Variants in ABLIM1 observed in about 807,000 individuals in gnomAD.
ABLIM1 encodes actin binding LIM protein 1, also known as actin-binding LIM protein 1.
Under a neutral mutation model 107.0 loss-of-function variants are expected in ABLIM1, and 40 were observed. That is an observed-to-expected ratio of 0.37 (90% CI 0.29 to 0.49). ABLIM1 has a LOEUF of 0.49. ABLIM1 is among the 20% of genes least tolerant of loss of function. ABLIM1 has a pLI of 0.97. For synonymous variants in ABLIM1, 357 were observed against 357.3 expected, an observed-to-expected ratio of 1.00 and a Z score of 0.01; for missense variants, 857 against 1,008.5, an observed-to-expected ratio of 0.85 and a Z score of 2.04.
At chr10:114,445,181 G>C in intron 16 of ABLIM1, 131 bp downstream of exon 16, 1 of 774,204 alleles carries the variant, frequency 1.3e-6, no homozygotes, top group South Asian at 1.6e-5. Context: ...TTGCCTGCCA[G>C]ATTTCAAGCC....
rs534255361 is a variant in ABLIM1 at position 114,723,378 on chromosome 10, T to C, written c.-213+44683A>G. Among the ~76,000 whole-genome samples the C allele has an allele frequency of 2.0e-3, 301 of 152,236 alleles. 1 individual carries two copies. Among genetic ancestry groups the C allele is most frequent in the Middle Eastern group, 3.4e-3 (1 of 294 alleles). On this transcript the variant is annotated intron_variant, in intron 1 of 15. Coordinates refer to the ABLIM1 transcript ENST00000651092. ...GTAACCTGGCCAAAGTCTGGGTTCTTTGGAAATGGAATAAAGGGGCAGGGA... is the reference window on the plus strand; with the variant it reads ...GTAACCTGGCCAAAGTCTGGGTTCTCTGGAAATGGAATAAAGGGGCAGGGA...
chr10:114,467,243 G>T (rs2065368817), intron 11 of ABLIM1, among the ~76,000 whole-genome samples: 1 of 152,110 alleles, frequency 6.6e-6, no homozygotes, highest in Admixed American at 6.5e-5. Flanking sequence ...TCTAGAAAAG[G>T]ATATATTAGG....
At chr10:114,766,918 AC>A (rs2082908883) in intron 1 of ABLIM1, among the ~76,000 whole-genome samples, 1 of 152,118 alleles carries the variant, frequency 6.6e-6, no homozygotes, top group Non-Finnish European at 1.5e-5. Flanking sequence ...GCCCTATGTC[AC>A]CTCTGCATCC....
rs187284423 is a variant in ABLIM1, at chr10:114,599,367, A to C, written c.379+2460T>G. Among the ~76,000 whole-genome samples the C allele has an allele frequency of 2.2e-4, 33 of 152,352 alleles. No individual in the cohort carries two copies. The East Asian group carries it at 6.4e-3, about 29-fold the overall frequency. ...AAACTAAAAGAGAAAAAAAGCAAGGAGCTTTCACCCCACAGGGGATAAATG... is the reference window on the plus strand; with the variant it reads ...AAACTAAAAGAGAAAAAAAGCAAGGCGCTTTCACCCCACAGGGGATAAATG... On this transcript the variant is annotated intron_variant, in intron 2 of 22. Coordinates refer to ENST00000533213, the MANE Select transcript of ABLIM1 (RefSeq NM_002313.7).
At chr10:114,708,470 T>A (rs1382635775) in intron 1 of ABLIM1, among the ~76,000 whole-genome samples, 1 of 151,884 alleles carries the variant, frequency 6.6e-6, no homozygotes, top group Admixed American at 6.6e-5. Flanking sequence ...ACCCCAAAAC[T>A]ACATGGGGAT....
At chr10:114,508,846 A>G (rs545513420) in intron 6 of ABLIM1, among the ~76,000 whole-genome samples, 1 of 152,344 alleles carries the variant, frequency 6.6e-6, no homozygotes, top group African/African-American at 2.4e-5. Context: ...TTTGTCCCTG[A>G]GCCCTAAACT....
chr10:114,434,969 T>TC lies in ABLIM1; in HGVS notation c.*1290_*1291insG, dbSNP rs2059230345. ...GCAGTTTAGCCTCACTCTTGATCTT[T>TC]GAGTCACACACACTCGGTGACAATG... On this transcript the variant is annotated 3_prime_UTR_variant, in exon 23 of 23. Transcript: ENST00000533213. The TC allele has an allele frequency of 6.6e-6, 1 of 152,158 alleles. No homozygotes were observed. Among genetic ancestry groups the TC allele is most frequent in the Non-Finnish European group, 1.5e-5 (1 of 68,042 alleles). The allele number at this position is 152,158 out of a possible 1,614,324, so 9.4% of individuals were successfully genotyped here. A position where few individuals can be genotyped will look rare whatever the true frequency, so the allele number is the denominator to read the frequency against.
rs537161965 is a variant in ABLIM1 at position 114,723,224 on chromosome 10, G to A, written c.-213+44837C>T. ...CAAAGCACAGGAGTACCCAGGAGAGGCCGACTTAGGTGAGGACCAGAATCT... is the reference window on the plus strand; with the variant it reads ...CAAAGCACAGGAGTACCCAGGAGAGACCGACTTAGGTGAGGACCAGAATCT... On this transcript the variant is annotated intron_variant, in intron 1 of 15. Transcript: ENST00000651092. 9.1e-4 allele frequency among the ~76,000 whole-genome samples: 139 copies of A among 152,290 alleles called. 1 individual carries two copies. The highest frequency in any genetic ancestry group is 3.1e-3 in the African/African-American group (127 of 41,568).
chr10:114,776,184 T>C, the ABLIM1 span: 1 of 151,836 alleles, frequency 6.6e-6, no homozygotes, highest in Non-Finnish European at 1.5e-5. Flanking sequence ...ATTAGCGACA[T>C]CTTTTTCTTT....
chr10:114,713,363 T>C (rs980987493), intron 1 of ABLIM1, among the ~76,000 whole-genome samples: 1 of 152,180 alleles, frequency 6.6e-6, no homozygotes, highest in Non-Finnish European at 1.5e-5. Flanking sequence ...GCTATGTCCC[T>C]AAGAGACAGT....
the ABLIM1 span, chr10:114,778,649 CT>C: frequency 1.3e-5 from 2 of 151,696 alleles, no homozygotes; most frequent in Non-Finnish European, 2.9e-5. Flanking sequence ...TGTAGTTCCC[CT>C]AAATGAATCA....
intron 2 of ABLIM1, among the ~76,000 whole-genome samples, chr10:114,586,927 C>T (rs1311517609): frequency 6.6e-6 from 1 of 152,098 alleles, no homozygotes; most frequent in Non-Finnish European, 1.5e-5. Context: ...ACAATTTTTC[C>T]TAAAAAAATG....
At chr10:114,446,182 A>G (rs926765760) in intron 15 of ABLIM1, among the ~76,000 whole-genome samples, 1 of 152,224 alleles carries the variant, frequency 6.6e-6, no homozygotes, top group African/African-American at 2.4e-5. Flanking sequence ...CTTTTTCTGA[A>G]TATTTAGAAT....
At chr10:114,616,457 A>G (rs2077137547) in intron 1 of ABLIM1, among the ~76,000 whole-genome samples, 1 of 152,210 alleles carries the variant, frequency 6.6e-6, no homozygotes, top group South Asian at 2.1e-4. Flanking sequence ...TTGCTTGCCC[A>G]AAGGATCTGG....
At chr10:114,766,577 T>C (rs770576456) in intron 1 of ABLIM1, among the ~76,000 whole-genome samples, 4 of 152,092 alleles carry the variant, frequency 2.6e-5, no homozygotes, top group Non-Finnish European at 5.9e-5. Context: ...TGATGCTTCC[T>C]AGGGCATACC....
At chr10:114,536,808 G>C (rs1406533022) in intron 6 of ABLIM1, among the ~76,000 whole-genome samples, 2 of 152,142 alleles carry the variant, frequency 1.3e-5, no homozygotes, top group Non-Finnish European at 2.9e-5. Context: ...TCCGAGACCA[G>C]AGCTTCATGA....
chr10:114,648,220 A>G (rs2079087436), intron 1 of ABLIM1, among the ~76,000 whole-genome samples: 1 of 152,228 alleles, frequency 6.6e-6, no homozygotes, highest in Non-Finnish European at 1.5e-5. Context: ...ACACAAAAAC[A>G]TGTAACAAGT....
intron 1 of ABLIM1, among the ~76,000 whole-genome samples, chr10:114,673,381 T>C (rs1229331587): frequency 2.6e-5 from 4 of 152,182 alleles, no homozygotes; most frequent in Non-Finnish European, 5.9e-5. Context: ...TGTATAGCAA[T>C]GAGCAATGCT....
chr10:114,787,642 G>T, the ABLIM1 span, among the ~76,000 whole-genome samples: 3 of 142,038 alleles, frequency 2.1e-5, no homozygotes, highest in Non-Finnish European at 4.7e-5. Context: ...CCTCTGCCCG[G>T]CCGCCCCTAC....
Sources: gnomAD v4.1 joint callset for allele counts (sites outside exome capture counted in the v4.1 genomes callset) on GRCh38, gnomAD v4.1.1 for gene constraint, MANE v1.5 for transcripts, NCBI Gene and HGNC (gene_info 2026-07-23, HGNC 2026-07-21) for gene names.